Variants in PTPRD observed in about 807,000 individuals in gnomAD.
PTPRD encodes receptor-type tyrosine-protein phosphatase delta.
Under a neutral mutation model 214.5 loss-of-function variants are expected in PTPRD, and 34 were observed. The ratio of observed to expected loss-of-function variants is 0.16; its 90% confidence interval spans 0.12 to 0.21. The LOEUF (loss-of-function observed/expected upper bound fraction) is 0.21. Among genes scored for constraint, PTPRD ranks in the 10% least tolerant of loss-of-function variants. The pLI, the probability that PTPRD is intolerant of heterozygous loss-of-function variation, is 1.00. For synonymous variants in PTPRD, 1,128 were observed against 845.7 expected, an observed-to-expected ratio of 1.33 and a Z score of -5.79; for missense variants, 2,545 against 2,398.7, an observed-to-expected ratio of 1.06 and a Z score of -1.27.
rs1960631242 is a variant in PTPRD at position 9,313,698 on chromosome 9, A to G, written c.-203+83751T>C. ...AAGGTCAGGCAGAGAAGGTGTTTAC[A>G]TTATATCTCCGAAAGGGCTTCTGAT... On this transcript the variant is annotated intron_variant, in intron 9 of 45. Coordinates refer to ENST00000381196, the MANE Select transcript of PTPRD (RefSeq NM_002839.4). Among the ~76,000 whole-genome samples, 5 of 152,180 alleles carry G rather than the reference A, an allele frequency of 3.3e-5. No homozygotes were observed. In the South Asian group the frequency reaches 1.0e-3, roughly 32 times the overall value.
intron 37 of PTPRD, among the ~76,000 whole-genome samples, chr9:8,387,298 A>G (rs1243835868): frequency 6.6e-6 from 1 of 152,180 alleles, no homozygotes; most frequent in Non-Finnish European, 1.5e-5. Context: ...TTAAGTCACA[A>G]TGCCTTCCGC....
At chr9:8,897,328 T>C (rs2098627155) in intron 11 of PTPRD, among the ~76,000 whole-genome samples, 1 of 152,114 alleles carries the variant, frequency 6.6e-6, no homozygotes, top group Non-Finnish European at 1.5e-5. Context: ...TGTTTTTTTT[T>C]CGTAGCATGG....
chr9:10,344,916 G>A (rs2097038544), intron 2 of PTPRD, among the ~76,000 whole-genome samples: 1 of 151,954 alleles, frequency 6.6e-6, no homozygotes, highest in Admixed American at 6.6e-5. Flanking sequence ...TTTCTCTGTT[G>A]TCTCATATTT....
At chr9:8,865,231 C>T (rs188633638) in intron 11 of PTPRD, among the ~76,000 whole-genome samples, 2 of 152,268 alleles carry the variant, frequency 1.3e-5, no homozygotes, top group African/African-American at 4.8e-5. Context: ...CAGGAGGCAG[C>T]ATTTGCCAGT....
chr9:8,495,275 C>T (rs758438515), intron 26 of PTPRD, among the ~76,000 whole-genome samples: 3 of 152,090 alleles, frequency 2.0e-5, no homozygotes, highest in South Asian at 2.1e-4. Flanking sequence ...AACGGTAACA[C>T]ATCTGCAAAA....
intron 10 of PTPRD, among the ~76,000 whole-genome samples, chr9:9,150,629 C>A (rs1398891099): frequency 6.6e-6 from 1 of 151,698 alleles, no homozygotes; most frequent in East Asian, 1.9e-4. Context: ...CAGGTGCCTG[C>A]CCCCATGCCC....
At chr9:10,559,907 C>T (rs1374586822) in intron 2 of PTPRD, among the ~76,000 whole-genome samples, 3 of 151,984 alleles carry the variant, frequency 2.0e-5, no homozygotes, top group Non-Finnish European at 4.4e-5. Context: ...AGTCAGGAAA[C>T]AACAGGTGCT....
intron 30 of PTPRD, among the ~76,000 whole-genome samples, chr9:8,475,375 A>G (rs1300775141): frequency 6.6e-6 from 1 of 151,936 alleles, no homozygotes; most frequent in Non-Finnish European, 1.5e-5. Flanking sequence ...CACTAACCTT[A>G]TTTCCTTAGC....
chr9:9,277,222 AGT>A (rs1398557921), intron 9 of PTPRD, among the ~76,000 whole-genome samples: 1 of 151,432 alleles, frequency 6.6e-6, no homozygotes, highest in Non-Finnish European at 1.5e-5. Flanking sequence ...ATATTCAAAC[AGT>A]TGATTCCCTA....
At chr9:8,505,747 C>G (rs2097532420) in intron 22 of PTPRD, among the ~76,000 whole-genome samples, 1 of 151,832 alleles carries the variant, frequency 6.6e-6, no homozygotes, top group Admixed American at 6.6e-5. Flanking sequence ...TTAGATCCAC[C>G]AAGTAAGAAA....
At chr9:8,673,060 A>AT (rs888190816) in intron 12 of PTPRD, among the ~76,000 whole-genome samples, 4 of 151,724 alleles carry the variant, frequency 2.6e-5, no homozygotes, top group African/African-American at 7.3e-5. Context: ...AAAACACTTG[A>AT]TTTTTTTTCT....
chr9:9,919,155 T>C (rs1028475188), intron 5 of PTPRD, among the ~76,000 whole-genome samples: 1 of 152,282 alleles, frequency 6.6e-6, no homozygotes. Context: ...ATTATTTAAA[T>C]TTTAGGGTGT....
At chr9:9,324,501 T>C (rs1968708318) in intron 9 of PTPRD, among the ~76,000 whole-genome samples, 1 of 152,244 alleles carries the variant, frequency 6.6e-6, no homozygotes. Flanking sequence ...TTGAGAAGTG[T>C]CTGTTCATAT....
At chr9:8,845,512 C>T (rs1248470691) in intron 11 of PTPRD, among the ~76,000 whole-genome samples, 1 of 152,246 alleles carries the variant, frequency 6.6e-6, no homozygotes, top group Non-Finnish European at 1.5e-5. Flanking sequence ...AATATGCCAG[C>T]TGTTTGGCAT....
At chr9:9,140,713 G>A (rs906756806) in intron 10 of PTPRD, among the ~76,000 whole-genome samples, 1 of 152,182 alleles carries the variant, frequency 6.6e-6, no homozygotes, top group Non-Finnish European at 1.5e-5. Context: ...TAAGTAGCTG[G>A]GACTACAGGT....
intron 2 of PTPRD, among the ~76,000 whole-genome samples, chr9:10,376,379 A>C (rs2154480419): frequency 6.6e-6 from 1 of 151,902 alleles, no homozygotes; most frequent in African/African-American, 2.4e-5. Flanking sequence ...AAATTATAGA[A>C]CAAATATGGT....
intron 2 of PTPRD, among the ~76,000 whole-genome samples, chr9:10,490,833 C>T (rs2039963172): frequency 6.6e-6 from 1 of 152,102 alleles, no homozygotes; most frequent in Non-Finnish European, 1.5e-5. Flanking sequence ...TGTCATTTAG[C>T]ATATTTTGCT....
At chr9:8,846,557 T>C (rs1185269737) in intron 11 of PTPRD, among the ~76,000 whole-genome samples, 1 of 151,892 alleles carries the variant, frequency 6.6e-6, no homozygotes, top group Non-Finnish European at 1.5e-5. Context: ...CTAGGAAGAG[T>C]TGTCAGCTAA....
intron 10 of PTPRD, among the ~76,000 whole-genome samples, chr9:9,109,843 G>A (rs10816047): frequency 0.08 from 12,198 of 152,176 alleles, 636 homozygotes; most frequent in East Asian, 0.16. Flanking sequence ...AGAGTCTGGG[G>A]ATGTGCCAGG....
Sources: allele counts gnomAD v4.1 joint callset (sites outside exome capture counted in the v4.1 genomes callset), GRCh38; gene constraint gnomAD v4.1.1; transcripts MANE v1.5; gene names NCBI Gene and HGNC (gene_info 2026-07-23, HGNC 2026-07-21).